The following TRPC4 variants were observed in gnomAD, a reference collection of about 807,000 sequenced individuals.
TRPC4 encodes short transient receptor potential channel 4.
Under a neutral mutation model 99.4 loss-of-function variants are expected in TRPC4, and 49 were observed. The ratio of observed to expected loss-of-function variants is 0.49; its 90% confidence interval spans 0.39 to 0.63. The LOEUF is 0.63. Among genes scored for constraint, TRPC4 ranks in the 20% least tolerant of loss-of-function variants. The pLI is 0.00. For missense variants in TRPC4, 898 were observed against 1,152.9 expected (o/e 0.78, Z 3.20); for synonymous variants, 454 against 425.9 (o/e 1.07, Z -0.81).
chr13:37,853,901 TA>T (rs1383508210), intron 1 of TRPC4, among the ~76,000 whole-genome samples: 3 of 151,540 alleles, frequency 2.0e-5, no homozygotes, highest in South Asian at 2.1e-4. Context: ...GAAAAAATAA[TA>T]AAAAAATGAA....
chr13:37,726,006 G>T lies in TRPC4; in HGVS notation c.897+19931C>A, dbSNP rs567392522. The stretch of plus-strand genomic sequence containing the variant: ...AGGTCAGGAGTTGGAGACCAGCATG[G>T]CCAATATGGTGAAACCCCTTCTCTA... On this transcript the variant is annotated intron_variant, in intron 3 of 10. Coordinates refer to ENST00000379705, the MANE Select transcript of TRPC4 (RefSeq NM_016179.4). 4.3e-3 allele frequency among the ~76,000 whole-genome samples: 649 copies of T among 152,150 alleles called. 3 individuals carry two copies. Among genetic ancestry groups the T allele is most frequent in the Non-Finnish European group, 7.4e-3 (502 of 67,980 alleles).
At chr13:37,710,235 T>C (rs370079855) in intron 3 of TRPC4, among the ~76,000 whole-genome samples, 2 of 152,042 alleles carry the variant, frequency 1.3e-5, no homozygotes, top group East Asian at 1.9e-4. Flanking sequence ...ACTCTCTTGG[T>C]TTAGGTAAAC....
At chr13:37,687,139 AT>A (rs1429433469) in intron 4 of TRPC4, among the ~76,000 whole-genome samples, 3 of 151,740 alleles carry the variant, frequency 2.0e-5, no homozygotes, top group Admixed American at 1.3e-4. Context: ...TGATTTTTGT[AT>A]TTTTAGTAGA....
intron 3 of TRPC4, among the ~76,000 whole-genome samples, chr13:37,719,410 T>A (rs1356206904): frequency 6.6e-6 from 1 of 151,960 alleles, no homozygotes; most frequent in Non-Finnish European, 1.5e-5. Flanking sequence ...CTAAAAATAT[T>A]TGTTGCCAAC....
At chr13:37,642,046 A>G (rs747707533) in intron 8 of TRPC4, among the ~76,000 whole-genome samples, 16 of 152,164 alleles carry the variant, frequency 1.1e-4, no homozygotes, top group Non-Finnish European at 2.2e-4. Context: ...CATGATTTTG[A>G]TGGTAATTCA....
At chr13:37,768,649 A>C (rs1842644124) in intron 2 of TRPC4, among the ~76,000 whole-genome samples, 1 of 140,362 alleles carries the variant, frequency 7.1e-6, no homozygotes, top group African/African-American at 2.7e-5. Flanking sequence ...TTAATGTGCA[A>C]ATACACACAT....
intron 6 of TRPC4, among the ~76,000 whole-genome samples, chr13:37,660,818 GA>G (rs900575385): frequency 6.6e-6 from 1 of 152,114 alleles, no homozygotes; most frequent in African/African-American, 2.4e-5. Flanking sequence ...ATTACAAAAA[GA>G]AAATTAAAAA....
At chr13:37,758,076 T>C (rs1207788037) in intron 2 of TRPC4, among the ~76,000 whole-genome samples, 1 of 151,998 alleles carries the variant, frequency 6.6e-6, no homozygotes, top group Non-Finnish European at 1.5e-5. Context: ...TTGGCTTCCA[T>C]ATTATTTTAA....
chr13:37,826,599 G>T (rs1009111793), intron 1 of TRPC4, among the ~76,000 whole-genome samples: 1 of 151,766 alleles, frequency 6.6e-6, no homozygotes, highest in African/African-American at 2.4e-5. Flanking sequence ...TTGAATATTG[G>T]TCCCCACTCT....
At chr13:37,819,063 G>A (rs1250005474) in intron 1 of TRPC4, among the ~76,000 whole-genome samples, 1 of 151,816 alleles carries the variant, frequency 6.6e-6, no homozygotes, top group Non-Finnish European at 1.5e-5. Flanking sequence ...TTGTGGCCAG[G>A]AGGCATATGA....
At chr13:37,841,122 T>C (rs1256621045) in intron 1 of TRPC4, among the ~76,000 whole-genome samples, 1 of 152,110 alleles carries the variant, frequency 6.6e-6, no homozygotes, top group African/African-American at 2.4e-5. Context: ...TTTATAATAA[T>C]AACAGGTGAT....
chr13:37,750,087 C>T (rs1207562668), intron 2 of TRPC4, among the ~76,000 whole-genome samples: 7 of 152,052 alleles, frequency 4.6e-5, no homozygotes, highest in Non-Finnish European at 1.0e-4. Context: ...AATAGAATCA[C>T]AAAATATGTA....
At chr13:37,669,650 A>T (rs1431606939) in intron 5 of TRPC4, among the ~76,000 whole-genome samples, 1 of 152,152 alleles carries the variant, frequency 6.6e-6, no homozygotes, top group African/African-American at 2.4e-5. Context: ...TATTCTATGG[A>T]ATTAAATGTT....
intron 3 of TRPC4, among the ~76,000 whole-genome samples, chr13:37,736,961 G>A (rs1342077798): frequency 6.9e-6 from 1 of 145,504 alleles, no homozygotes; most frequent in African/African-American, 2.5e-5. Context: ...TCAAACTCCT[G>A]AACTCAAGCG....
At chr13:37,776,125 G>A (rs1201216506) in intron 2 of TRPC4, among the ~76,000 whole-genome samples, 1 of 151,694 alleles carries the variant, frequency 6.6e-6, no homozygotes, top group Non-Finnish European at 1.5e-5. Flanking sequence ...ACTGCCATTT[G>A]CCAGCTGACT....
intron 1 of TRPC4, among the ~76,000 whole-genome samples, chr13:37,789,763 T>G (rs1593748712): frequency 6.6e-6 from 1 of 152,016 alleles, no homozygotes; most frequent in Admixed American, 6.6e-5. Flanking sequence ...GAAATATAAC[T>G]GTAATGTATA....
intron 3 of TRPC4, among the ~76,000 whole-genome samples, chr13:37,728,378 T>C (rs1394988301): frequency 6.6e-6 from 1 of 151,990 alleles, no homozygotes; most frequent in East Asian, 1.9e-4. Flanking sequence ...AAGTTACATT[T>C]CTATATATAA....
chr13:37,826,601 C>A (rs1383891003), intron 1 of TRPC4, among the ~76,000 whole-genome samples: 23 of 151,882 alleles, frequency 1.5e-4, no homozygotes, highest in Admixed American at 1.5e-3. Flanking sequence ...GAATATTGGT[C>A]CCCACTCTCT....
At chr13:37,766,212 C>T (rs1026134686) in intron 2 of TRPC4, among the ~76,000 whole-genome samples, 14 of 151,380 alleles carry the variant, frequency 9.2e-5, no homozygotes, top group Non-Finnish European at 1.9e-4. Context: ...GTTGACAATA[C>T]ATTACAAGAG....
Sources: gnomAD v4.1 joint callset for allele counts (sites outside exome capture counted in the v4.1 genomes callset) on GRCh38, gnomAD v4.1.1 for gene constraint, MANE v1.5 for transcripts, NCBI Gene and HGNC (gene_info 2026-07-23, HGNC 2026-07-21) for gene names.